The following GATA4 variants were observed in gnomAD, a reference collection of about 807,000 sequenced individuals.
GATA4 encodes the protein transcription factor GATA-4.
In GATA4, 7 loss-of-function variants were observed where a neutral mutation model predicts 37.9. That is an observed-to-expected ratio of 0.18 (90% CI 0.11 to 0.35). GATA4 has a LOEUF of 0.35. Ranked by LOEUF, GATA4 falls within the 10% of genes least tolerant of loss-of-function variation. The probability of loss-of-function intolerance (pLI) is 1.00; values close to 1 mark genes in which losing one functional copy is unlikely to be tolerated. For synonymous variants in GATA4, 372 were observed against 292.6 expected, an observed-to-expected ratio of 1.27 and a Z score of -2.77; for missense variants, 647 against 653.0, an observed-to-expected ratio of 0.99 and a Z score of 0.10.
At chr8:11,692,529 A>G (rs951969366), upstream of GATA4, 3 of 985,326 alleles carry the variant, frequency 3.0e-6, no homozygotes, top group South Asian at 4.7e-5. Flanking sequence ...AACTATGCTC[A>G]TGCGGATCTA....
chr8:11,679,379 G>C (rs1798881896), intron 1 of GATA4, among the ~76,000 whole-genome samples: 1 of 152,250 alleles, frequency 6.6e-6, no homozygotes. Flanking sequence ...CACGACTGTA[G>C]GTGGAGGGCG....
At chr8:11,695,362 C>T (rs574840417) in intron 1 of GATA4, among the ~76,000 whole-genome samples, 5 of 152,028 alleles carry the variant, frequency 3.3e-5, no homozygotes, top group African/African-American at 1.2e-4. Flanking sequence ...GCCAAGATCG[C>T]GCCTTTGCAC....
In GATA4 at chr8:11,749,826, A is replaced by C. The variant is rs1238825435; in HGVS notation, c.787-285A>C. Among the ~76,000 whole-genome samples the C allele has an allele frequency of 6.6e-6, 1 of 152,156 alleles. No homozygotes were observed. The highest frequency in any genetic ancestry group is 1.9e-4 in the East Asian group (1 of 5,180). On this transcript the variant is annotated intron_variant, in intron 3 of 6. Coordinates refer to ENST00000532059, the MANE Select transcript of GATA4 (RefSeq NM_001308093.3). This position sits in a 1 kb window ranked among gnomAD's most constrained non-coding sequence, Gnocchi z 4.6. Reference sequence around the variant, plus strand: ...TTCCTGCCGGCAGTGCCCGGCGCTCACTGGTTATTCGCCTGACGGTGAATG... The same window carrying C: ...TTCCTGCCGGCAGTGCCCGGCGCTCCCTGGTTATTCGCCTGACGGTGAATG...
intron 2 of GATA4, among the ~76,000 whole-genome samples, chr8:11,731,219 A>G (rs889441393): frequency 2.0e-5 from 3 of 152,232 alleles, no homozygotes; most frequent in Non-Finnish European, 2.9e-5. Flanking sequence ...AGTGATCCAC[A>G]TTTGATTGAT....
chr8:11,691,761 C>A (rs1460389876), upstream of GATA4, among the ~76,000 whole-genome samples: 1 of 152,156 alleles, frequency 6.6e-6, no homozygotes, highest in East Asian at 1.9e-4. Context: ...TCGCTCTACA[C>A]TGACACTCAG....
In GATA4 at chr8:11,749,084, T is replaced by C; in HGVS notation, c.785T>C (p.Leu262Pro). ...NRPLIKPQRR[L>P]SASRRVGLSC... Reference sequence around the variant, plus strand: ...CCGCTCATCAAGCCTCAGCGCCGGCTGGTAAGCACGTGCCTCGCAGCCTCC... The same window carrying C: ...CCGCTCATCAAGCCTCAGCGCCGGCCGGTAAGCACGTGCCTCGCAGCCTCC... The change falls in exon 3 of 7, where the codon CTG (leucine) becomes CCG (proline). Residue 262 changes from leucine (L) to proline (P), a missense_variant and splice_region_variant. Coordinates refer to ENST00000532059, the MANE Select transcript of GATA4 (RefSeq NM_001308093.3). This position sits in a 1 kb window ranked among gnomAD's most constrained non-coding sequence, Gnocchi z 4.6. 1 of 1,614,112 alleles carries C rather than the reference T, an allele frequency of 6.2e-7. No individual in the cohort carries two copies. The highest frequency in any genetic ancestry group is 8.5e-7 in the Non-Finnish European group (1 of 1,179,996).
At chr8:11,692,807 A>T (rs1799362671) in intron 1 of GATA4, 1 of 981,208 alleles carries the variant, frequency 1.0e-6, no homozygotes, top group African/African-American at 1.8e-5. Flanking sequence ...GGGCCGGCGC[A>T]GCGGGCGCCA....
chr8:11,739,395 G>A (rs920488319), intron 2 of GATA4, among the ~76,000 whole-genome samples: 2 of 152,192 alleles, frequency 1.3e-5, no homozygotes, highest in African/African-American at 4.8e-5. Flanking sequence ...CTTTAAAAAA[G>A]TTTATTCCAG....
In GATA4 at chr8:11,680,730, G is replaced by T. The variant is rs1042872272; in HGVS notation, c.-274+3667G>T. 6.1e-6 allele frequency: 6 copies of T among 985,322 alleles called. No homozygotes were observed. In the African/African-American group the frequency reaches 1.0e-4, roughly 17 times the overall value. The allele number at this position is 985,322 out of a possible 1,614,324, so 61.0% of individuals were successfully genotyped here. ...TCCAGCCGCTGCGCACGGATACCCT[G>T]GGCGGCGAGGAGAGCCCGGCTTCTG... On this transcript the variant is annotated intron_variant, in intron 1 of 6. Transcript: ENST00000528712.
chr8:11,683,025 C>T, intron 1 of GATA4: 15 of 980,244 alleles, frequency 1.5e-5, no homozygotes, highest in Non-Finnish European at 1.8e-5. Context: ...GAAACAGCCT[C>T]GGTGCGCGGG....
Position 11,708,475 on chromosome 8 carries a change from C to A in GATA4, c.163C>A (p.Gln55Lys). ...PSSVLGLSYL[Q>K]GGGAGSASGG... ...CTCCGTGCTGGGCCTGTCCTACCTCCAGGGCGGAGGCGCGGGCTCTGCGTC... is the reference window on the plus strand; with the variant it reads ...CTCCGTGCTGGGCCTGTCCTACCTCAAGGGCGGAGGCGCGGGCTCTGCGTC... Residue 55 changes from glutamine (Q) to lysine (K), a missense_variant, in exon 2 of 7, where the codon CAG becomes AAG. Gln to Lys is a moderately conservative substitution (Grantham distance 53). This residue lies in a region of GATA4 where 379 missense variants were observed against 334.5 expected (regional missense o/e 1.13). Coordinates refer to ENST00000532059, the MANE Select transcript of GATA4 (RefSeq NM_001308093.3). The surrounding 1 kb of genome is among the most constrained non-coding windows in gnomAD (Gnocchi z 6.7). 6.6e-7 allele frequency: 1 copy of A among 1,513,988 alleles called. No homozygotes were observed. Among genetic ancestry groups the A allele is most frequent in the Non-Finnish European group, 8.8e-7 (1 of 1,137,870 alleles). The allele number at this position is 1,513,988 out of a possible 1,614,324, so 93.8% of individuals were successfully genotyped here.
Position 11,758,495 on chromosome 8 carries a change from A to T in GATA4, c.*20A>T. 1 of 1,613,478 alleles carries T rather than the reference A, an allele frequency of 6.2e-7. No individual in the cohort carries two copies. ...GCGTAATCTTCCCTCTTCCCTCCTC[A>T]AATTCCTGCACGGACCTGGGACTTG... On this transcript the variant is annotated 3_prime_UTR_variant, in exon 7 of 7. Transcript: ENST00000532059.
intron 4 of GATA4, among the ~76,000 whole-genome samples, chr8:11,754,258 C>T (rs1293580737): frequency 3.3e-5 from 5 of 152,230 alleles, no homozygotes; most frequent in African/African-American, 1.2e-4. Context: ...GCTCCACCAC[C>T]CAGGCTGGAG....
intron 1 of GATA4, chr8:11,692,861 G>A (rs906984406): frequency 1.0e-6 from 1 of 981,590 alleles, no homozygotes; most frequent in African/African-American, 1.8e-5. Flanking sequence ...CTGACCCCGA[G>A]CGCCGCCGAG....
upstream of GATA4, among the ~76,000 whole-genome samples, chr8:11,691,352 G>A (rs1585561044): frequency 1.3e-5 from 2 of 152,176 alleles, no homozygotes; most frequent in African/African-American, 2.4e-5. Flanking sequence ...CCAGGCTGGC[G>A]TGCAGTGGTG....
At chr8:11,727,619 G>C (rs1800994102) in intron 2 of GATA4, among the ~76,000 whole-genome samples, 1 of 152,102 alleles carries the variant, frequency 6.6e-6, no homozygotes, top group Non-Finnish European at 1.5e-5. Flanking sequence ...GAGGCAGGCA[G>C]ATCGCTTGAG....
intron 2 of GATA4, among the ~76,000 whole-genome samples, chr8:11,743,393 G>T (rs570808154): frequency 6.6e-6 from 1 of 152,378 alleles, no homozygotes; most frequent in East Asian, 1.9e-4. Context: ...GCATGAGGGT[G>T]AGGGTCTTCC....
In GATA4 at chr8:11,707,900, T is replaced by C. The variant is rs1011966994; in HGVS notation, c.-413T>C. 1.1e-4 allele frequency: 32 copies of C among 298,308 alleles called. No individual in the cohort carries two copies. Among genetic ancestry groups the C allele is most frequent in the African/African-American group, 6.9e-4 (30 of 43,226 alleles). The allele number at this position is 298,308 out of a possible 1,614,324, so 18.5% of individuals were successfully genotyped here. A position where few individuals can be genotyped will look rare whatever the true frequency, so the allele number is the denominator to read the frequency against. On this transcript the variant is annotated 5_prime_UTR_variant, in exon 2 of 7. Transcript: ENST00000532059. The surrounding 1 kb of genome is among the most constrained non-coding windows in gnomAD (Gnocchi z 4.7). ...AGGAAGGAGCCAGCCTAGCAGCTTC[T>C]GCGCCTGTGGCCGCGGGTGTCCTGG... is the stretch of plus-strand genomic sequence containing the variant.
At chr8:11,745,411 CAAAA>C (rs3030049) in intron 2 of GATA4, among the ~76,000 whole-genome samples, 13 of 104,054 alleles carry the variant, frequency 1.2e-4, no homozygotes, top group African/African-American at 3.3e-4. Context: ...TTGTCTCTAC[CAAAA>C]AAAAAAAAAA....
Sources: gnomAD v4.1 joint callset for allele counts (sites outside exome capture counted in the v4.1 genomes callset) on GRCh38, gnomAD v4.1.1 for gene constraint, gnomAD v4.1.1 regional missense constraint, Gnocchi (gnomAD v3.1) non-coding constraint, MANE v1.5 for transcripts, NCBI Gene and HGNC (gene_info 2026-07-23, HGNC 2026-07-21) for gene names.